Variants in RETREG1 observed in about 807,000 individuals in gnomAD.
RETREG1 encodes family with sequence similarity 134 member B.
Under a neutral mutation model 54.8 loss-of-function variants are expected in RETREG1, and 44 were observed. The observed-to-expected ratio is 0.80, with a 90% CI of 0.63 to 1.03. The LOEUF (loss-of-function observed/expected upper bound fraction) is 1.03. RETREG1 is among the 50% of genes least tolerant of loss of function. RETREG1 has a pLI of 0.00. For missense variants in RETREG1, 554 were observed against 605.1 expected (o/e 0.92, Z 0.89); for synonymous variants, 217 against 238.5 (o/e 0.91, Z 0.83).
rs537201009 is a variant in RETREG1 at position 16,594,841 on chromosome 5, G to A, written c.320+21811C>T. Among the ~76,000 whole-genome samples the A allele has an allele frequency of 6.6e-6, 1 of 152,324 alleles. No individual in the cohort carries two copies. The highest frequency in any genetic ancestry group is 1.9e-4 in the East Asian group (1 of 5,184). ...GACAGATGACATAATGATGCAAGGT[G>A]TTGTTTTCAATTTATCCAGAAGGTA... On this transcript the variant is annotated intron_variant, in intron 1 of 8. Coordinates refer to ENST00000306320, the MANE Select transcript of RETREG1 (RefSeq NM_001034850.3). This position sits in a 1 kb window ranked among gnomAD's most constrained non-coding sequence, Gnocchi z 4.4.
At chr5:16,481,853 A>T (rs557160122) in intron 4 of RETREG1, among the ~76,000 whole-genome samples, 2 of 152,180 alleles carry the variant, frequency 1.3e-5, no homozygotes, top group African/African-American at 4.8e-5. Context: ...ATGTTACCAT[A>T]AAGTCTTCAC....
At chr5:16,584,843 TG>T (rs559158130) in intron 1 of RETREG1, among the ~76,000 whole-genome samples, 279 of 152,294 alleles carry the variant, frequency 1.8e-3, no homozygotes, top group African/African-American at 6.2e-3. Context: ...GTGTGTTGGC[TG>T]GGGGGTACAT....
chr5:16,485,961 T>C (rs1384084561), intron 3 of RETREG1, among the ~76,000 whole-genome samples: 1 of 152,176 alleles, frequency 6.6e-6, no homozygotes. Flanking sequence ...GAAAAAAATA[T>C]GCAATCTTTG....
intron 1 of RETREG1, among the ~76,000 whole-genome samples, chr5:16,603,198 G>A (rs1477555140): frequency 3.3e-5 from 5 of 152,198 alleles, no homozygotes; most frequent in Admixed American, 6.5e-5. Context: ...ATGTGTGTGT[G>A]AGGGAGAGAC....
rs1454316456 is a variant in RETREG1, at chr5:16,475,087, C to T, written c.1148G>A (p.Gly383Asp). 1.2e-6 allele frequency: 2 copies of T among 1,613,954 alleles called. No homozygotes were observed. Among genetic ancestry groups the T allele is most frequent in the South Asian group, 1.1e-5 (1 of 91,084 alleles). ...LKRKKEQLDS[G>D]HRPSKETQSA... ...TTGCGTCTCTTTGCTTGGTCTGTGA[C>T]CACTGTCCAACTGTTCCTTCTTTCT... The change falls in exon 9 of 9, where the codon GGT becomes GAT. Residue 383 changes from glycine (G) to aspartate (D), a missense_variant. Gly to Asp is a moderately conservative substitution (Grantham distance 94). This residue lies in a region of RETREG1 where 347 missense variants were observed against 412.3 expected (regional missense o/e 0.84). Transcript: ENST00000306320.
At chr5:16,477,083 T>A (rs1179226598) in intron 8 of RETREG1, among the ~76,000 whole-genome samples, 1 of 152,150 alleles carries the variant, frequency 6.6e-6, no homozygotes, top group Non-Finnish European at 1.5e-5. Flanking sequence ...CATTATCGCT[T>A]GGGACATTTC....
intron 1 of RETREG1, among the ~76,000 whole-genome samples, chr5:16,574,989 G>A (rs1742283709): frequency 6.6e-6 from 1 of 152,094 alleles, no homozygotes; most frequent in Admixed American, 6.6e-5. Context: ...TTGCATTCTG[G>A]TGTTTGCTTG....
At chr5:16,476,199 G>A (rs1490536354) in intron 8 of RETREG1, among the ~76,000 whole-genome samples, 4 of 152,168 alleles carry the variant, frequency 2.6e-5, no homozygotes, top group Non-Finnish European at 4.4e-5. Context: ...GTTAGGTAGT[G>A]ACAAAGGCAA....
intron 3 of RETREG1, among the ~76,000 whole-genome samples, chr5:16,532,226 C>T (rs1022480773): frequency 2.0e-5 from 3 of 152,122 alleles, no homozygotes; most frequent in African/African-American, 4.8e-5. Context: ...CAGCTGCTAG[C>T]GTTCAAAAAG....
intron 1 of RETREG1, among the ~76,000 whole-genome samples, chr5:16,609,580 C>T (rs989752922): frequency 6.6e-4 from 100 of 152,242 alleles, no homozygotes; most frequent in African/African-American, 2.3e-3. Context: ...ATGCAGCGGC[C>T]AGGCCACCTA....
chr5:16,535,937 C>A (rs1327752548), intron 3 of RETREG1, among the ~76,000 whole-genome samples: 1 of 150,128 alleles, frequency 6.7e-6, no homozygotes, highest in East Asian at 2.0e-4. Context: ...GTACACATTG[C>A]CTTCACAAAG....
intron 3 of RETREG1, among the ~76,000 whole-genome samples, chr5:16,524,217 G>A (rs546611152): frequency 7.2e-5 from 11 of 152,266 alleles, no homozygotes; most frequent in Admixed American, 5.9e-4. Flanking sequence ...ACCAACACGC[G>A]TGAGACAAGG....
At chr5:16,509,860 G>A (rs1171013644) in intron 3 of RETREG1, among the ~76,000 whole-genome samples, 2 of 151,928 alleles carry the variant, frequency 1.3e-5, no homozygotes, top group African/African-American at 2.4e-5. Flanking sequence ...CGGGCCTGAT[G>A]GGATGCTCCT....
intron 1 of RETREG1, among the ~76,000 whole-genome samples, chr5:16,586,132 GAAGA>G (rs1416179554): frequency 6.6e-6 from 1 of 152,198 alleles, no homozygotes; most frequent in Non-Finnish European, 1.5e-5. Context: ...TGGTAAGAGG[GAAGA>G]AAGAAAGAAA....
intron 3 of RETREG1, among the ~76,000 whole-genome samples, chr5:16,501,292 G>A (rs983173552): frequency 2.6e-5 from 4 of 152,178 alleles, no homozygotes; most frequent in African/African-American, 9.6e-5. Context: ...CACCCAGCTA[G>A]TACCTGGTTA....
chr5:16,478,823 A>G (rs370743879), intron 6 of RETREG1, 27 bp downstream of exon 6: 19 of 1,603,780 alleles, frequency 1.2e-5, no homozygotes, highest in African/African-American at 2.7e-5. Flanking sequence ...TTTCATGCAT[A>G]GAATCTAAAA....
At chr5:16,532,430 C>T (rs566046134) in intron 3 of RETREG1, among the ~76,000 whole-genome samples, 13 of 152,296 alleles carry the variant, frequency 8.5e-5, no homozygotes, top group Admixed American at 3.3e-4. Flanking sequence ...GAAGCTGAGG[C>T]AGGAGAATCG....
At position 16,478,055 on chromosome 5, in the gene RETREG1, G is replaced by A. The variant is rs547400718; in HGVS notation, c.852C>T (p.Asp284=). 5.0e-5 allele frequency: 80 copies of A among 1,610,276 alleles called. No individual in the cohort carries two copies. The African/African-American group carries it at 9.2e-4, about 19-fold the overall frequency. ...ATACCTTAGGACAAAGAGCTGAAAA[G>A]TCTAATTCACTGTCATCTTTGTGAC... ...EKSHKDDSEL[D]FSALCPKISL... The change falls in exon 7 of 9, where the codon GAC becomes GAT. Residue 284 remains aspartate, a synonymous_variant. Coordinates refer to ENST00000306320, the MANE Select transcript of RETREG1 (RefSeq NM_001034850.3).
chr5:16,475,751 A>G (rs776480592), intron 8 of RETREG1, among the ~76,000 whole-genome samples: 1 of 152,200 alleles, frequency 6.6e-6, no homozygotes, highest in Non-Finnish European at 1.5e-5. Flanking sequence ...AAAGGAAGAT[A>G]CTGCTCCTTC....
Sources: gnomAD v4.1 joint callset for allele counts (sites outside exome capture counted in the v4.1 genomes callset) on GRCh38, gnomAD v4.1.1 for gene constraint, gnomAD v4.1.1 regional missense constraint, Gnocchi (gnomAD v3.1) non-coding constraint, MANE v1.5 for transcripts, NCBI Gene and HGNC (gene_info 2026-07-23, HGNC 2026-07-21) for gene names.